EXOC6B: variants seen among roughly 807,000 people sequenced by gnomAD.
The protein encoded by EXOC6B is exocyst complex component 6B.
Under a neutral mutation model 113.5 loss-of-function variants are expected in EXOC6B, and 54 were observed. The observed-to-expected ratio is 0.48, with a 90% CI of 0.38 to 0.60. EXOC6B has a LOEUF of 0.60. Among genes scored for constraint, EXOC6B ranks in the 20% least tolerant of loss-of-function variants. The pLI is 0.00. For synonymous variants in EXOC6B, 357 were observed against 339.0 expected (o/e 1.05, Z -0.58); for missense variants, 797 against 977.5 (o/e 0.82, Z 2.46).
At chr2:72,376,634 GT>G (rs1454034210) in intron 19 of EXOC6B, among the ~76,000 whole-genome samples, 4 of 152,054 alleles carry the variant, frequency 2.6e-5, no homozygotes, top group Admixed American at 1.3e-4. Context: ...TTTGAACCCA[GT>G]TATGTATTAG....
intron 6 of EXOC6B, among the ~76,000 whole-genome samples, chr2:72,646,926 A>G: frequency 6.6e-6 from 1 of 152,206 alleles, no homozygotes; most frequent in East Asian, 1.9e-4. Context: ...CTCCTATTCA[A>G]CATAATGTTG....
At chr2:72,710,387 T>C (rs1679194082) in intron 6 of EXOC6B, among the ~76,000 whole-genome samples, 1 of 151,906 alleles carries the variant, frequency 6.6e-6, no homozygotes, top group South Asian at 2.1e-4. Context: ...TTCAGAAGCA[T>C]ATGTAATACA....
Position 72,496,535 on chromosome 2 carries a change from G to A in EXOC6B, c.1362C>T (p.Tyr454=). The A allele has an allele frequency of 6.3e-7, 1 of 1,583,308 alleles. No homozygotes were observed. The highest frequency in any genetic ancestry group is 8.6e-7 in the Non-Finnish European group (1 of 1,161,140). The change falls in exon 14 of 22, where the codon TAC becomes TAT. Residue 454 remains tyrosine (Y), a synonymous_variant. Transcript: ENST00000272427. ...IFRNILDSDN[Y]SPIPVTSEEM... The stretch of plus-strand genomic sequence containing the variant: ...CTTCACTTGTTACTGGTATAGGACT[G>A]TAGTTGTCAGAATCAAGTATGTTTC...
At chr2:72,257,443 A>G (rs1354989883) in intron 20 of EXOC6B, among the ~76,000 whole-genome samples, 2 of 152,244 alleles carry the variant, frequency 1.3e-5, no homozygotes, top group Non-Finnish European at 2.9e-5. Context: ...CCTAAATTTA[A>G]TCATTAAAAT....
At chr2:72,651,731 G>C (rs556453659) in intron 6 of EXOC6B, among the ~76,000 whole-genome samples, 28 of 152,274 alleles carry the variant, frequency 1.8e-4, no homozygotes, top group African/African-American at 6.7e-4. Context: ...GAGTAGCTGG[G>C]ACTACAGGCA....
intron 6 of EXOC6B, among the ~76,000 whole-genome samples, chr2:72,589,430 A>C (rs1174983079): frequency 2.6e-5 from 4 of 152,012 alleles, no homozygotes; most frequent in Non-Finnish European, 5.9e-5. Flanking sequence ...TCAACAAAGT[A>C]TTACGAAGTG....
intron 15 of EXOC6B, among the ~76,000 whole-genome samples, chr2:72,493,323 C>G (rs1215996888): frequency 2.6e-5 from 3 of 117,448 alleles, no homozygotes; most frequent in Admixed American, 7.7e-5. Context: ...TTTTTCTCCC[C>G]CCCCCCCCCC....
chr2:72,792,590 A>G (rs1684735306), intron 1 of EXOC6B, among the ~76,000 whole-genome samples: 1 of 152,190 alleles, frequency 6.6e-6, no homozygotes, highest in South Asian at 2.1e-4. Context: ...TAGTACACTT[A>G]GTGTTTACTA....
intron 20 of EXOC6B, among the ~76,000 whole-genome samples, chr2:72,244,941 G>T (rs539339170): frequency 2.0e-5 from 3 of 152,188 alleles, no homozygotes; most frequent in African/African-American, 7.2e-5. Flanking sequence ...AAAACGTACA[G>T]ATTTATATGA....
intron 20 of EXOC6B, among the ~76,000 whole-genome samples, chr2:72,245,824 T>C (rs1434897094): frequency 2.6e-5 from 4 of 152,202 alleles, no homozygotes; most frequent in Non-Finnish European, 4.4e-5. Flanking sequence ...CACTCATCAA[T>C]TTTAAAAAGT....
chr2:72,428,929 A>G (rs1484120089), intron 18 of EXOC6B, among the ~76,000 whole-genome samples: 4 of 152,352 alleles, frequency 2.6e-5, no homozygotes, highest in South Asian at 4.1e-4. Flanking sequence ...CAGTTTTCAC[A>G]TAAGTTTCCA....
intron 20 of EXOC6B, among the ~76,000 whole-genome samples, chr2:72,271,850 A>G (rs978090563): frequency 4.6e-5 from 7 of 152,128 alleles, no homozygotes; most frequent in African/African-American, 1.7e-4. Context: ...GCTCAAGGAA[A>G]AAAAAAATGC....
chr2:72,730,725 C>T (rs986786165), intron 5 of EXOC6B, among the ~76,000 whole-genome samples: 1 of 151,970 alleles, frequency 6.6e-6, no homozygotes, highest in Admixed American at 6.6e-5. Flanking sequence ...AAACATATCT[C>T]AAACCAACTA....
intron 18 of EXOC6B, among the ~76,000 whole-genome samples, chr2:72,426,828 C>A (rs1695225168): frequency 6.6e-6 from 1 of 152,236 alleles, no homozygotes; most frequent in Admixed American, 6.5e-5. Flanking sequence ...CAGTGGCAGG[C>A]CATCCGGAGC....
intron 20 of EXOC6B, among the ~76,000 whole-genome samples, chr2:72,334,561 T>C (rs1688582171): frequency 6.6e-6 from 1 of 152,166 alleles, no homozygotes; most frequent in Non-Finnish European, 1.5e-5. Context: ...CCACATTATC[T>C]ACAAACAAAA....
intron 2 of EXOC6B, among the ~76,000 whole-genome samples, chr2:72,739,886 CT>C (rs1273388757): frequency 1.3e-5 from 2 of 152,118 alleles, no homozygotes; most frequent in East Asian, 3.9e-4. Flanking sequence ...TCCATAAATT[CT>C]TTTTTAAAAC....
intron 19 of EXOC6B, among the ~76,000 whole-genome samples, chr2:72,372,409 C>T (rs1459132880): frequency 2.0e-5 from 3 of 152,184 alleles, no homozygotes. Flanking sequence ...TATTACCTAA[C>T]TTCAAATCAT....
At chr2:72,232,111 C>T (rs1238421926) in intron 20 of EXOC6B, among the ~76,000 whole-genome samples, 2 of 151,982 alleles carry the variant, frequency 1.3e-5, no homozygotes, top group African/African-American at 4.8e-5. Flanking sequence ...GTAGCTGGGA[C>T]TACAGGCGTG....
At chr2:72,229,259 G>A (rs189645028) in intron 20 of EXOC6B, among the ~76,000 whole-genome samples, 2 of 152,136 alleles carry the variant, frequency 1.3e-5, no homozygotes, top group African/African-American at 4.8e-5. Context: ...AACACATGGA[G>A]TTCAGGATAT....
Sources: allele counts gnomAD v4.1 joint callset (sites outside exome capture counted in the v4.1 genomes callset), GRCh38; gene constraint gnomAD v4.1.1; transcripts MANE v1.5; gene names NCBI Gene and HGNC (gene_info 2026-07-23, HGNC 2026-07-21).